Variants in SLC25A48 observed in about 807,000 individuals in gnomAD.
SLC25A48 encodes the protein CTC-321K16.1.
Under a neutral mutation model 32.2 loss-of-function variants are expected in SLC25A48, and 29 were observed. The ratio of observed to expected loss-of-function variants is 0.90; its 90% CI spans 0.67 to 1.23. The LOEUF (loss-of-function observed/expected upper bound fraction) is 1.23. Ranked by LOEUF, SLC25A48 falls within the 50% of genes most tolerant of loss-of-function variation. The pLI, the probability that SLC25A48 is intolerant of heterozygous loss-of-function variation, is 0.00. For synonymous variants in SLC25A48, 164 were observed against 172.3 expected (o/e 0.95, Z 0.38); for missense variants, 399 against 422.7 (o/e 0.94, Z 0.49).
chr5:135,733,134 G>C (rs1377867540), intron 3 of SLC25A48, among the ~76,000 whole-genome samples: 1 of 152,166 alleles, frequency 6.6e-6, no homozygotes, highest in African/African-American at 2.4e-5. Context: ...GCGAGGGCTC[G>C]AGTTAAGGCA....
intron 3 of SLC25A48, among the ~76,000 whole-genome samples, chr5:135,705,802 T>G (rs1249688301): frequency 6.6e-6 from 1 of 152,168 alleles, no homozygotes; most frequent in Admixed American, 6.5e-5. Flanking sequence ...TCCCAGGAGA[T>G]GGAACTAAGC....
intron 3 of SLC25A48, among the ~76,000 whole-genome samples, chr5:135,736,775 G>T (rs1386607122): frequency 1.3e-5 from 2 of 152,168 alleles, no homozygotes; most frequent in Non-Finnish European, 2.9e-5. Flanking sequence ...ACCGGTGCCG[G>T]AGTTTTGGGT....
intron 3 of SLC25A48, among the ~76,000 whole-genome samples, chr5:135,772,374 A>T (rs1756435377): frequency 6.6e-6 from 1 of 151,674 alleles, no homozygotes; most frequent in African/African-American, 2.4e-5. Flanking sequence ...CAGGGTGTGT[A>T]CACTCCCCTA....
In SLC25A48 at chr5:135,852,769, C is replaced by T. The variant is rs755412853; in HGVS notation, c.369C>T (p.Pro123=). The change falls in exon 4 of 8, where the codon CCC becomes CCT. Residue 123 remains proline (P), a synonymous_variant. Coordinates refer to ENST00000681962, the MANE Select transcript of SLC25A48 (RefSeq NM_001349336.2). The stretch of plus-strand genomic sequence containing the variant: ...TGGTCTCTGTCGGGCTGGGAGGGCC[C>T]GTGGACCTCATCAAGATCCGGTTGC... ...AGVVSVGLGG[P]VDLIKIRLQM... 2.8e-5 allele frequency: 45 copies of T among 1,613,662 alleles called. No homozygotes were observed. In the Admixed American group the frequency reaches 3.2e-4, roughly 11 times the overall value.
intron 3 of SLC25A48, among the ~76,000 whole-genome samples, chr5:135,735,827 G>T (rs1755348045): frequency 6.6e-6 from 1 of 152,068 alleles, no homozygotes; most frequent in South Asian, 2.1e-4. Flanking sequence ...TATTCAGTAG[G>T]GTCTGAGTGC....
chr5:135,767,960 G>T (rs13173808), intron 3 of SLC25A48, among the ~76,000 whole-genome samples: 34,363 of 145,890 alleles, frequency 0.24, 4,838 homozygotes, highest in East Asian at 0.44. Context: ...AATATCCGGG[G>T]GGGGGAGAGG....
intron 3 of SLC25A48, among the ~76,000 whole-genome samples, chr5:135,687,868 G>A (rs1224429871): frequency 6.6e-6 from 1 of 151,986 alleles, no homozygotes; most frequent in Non-Finnish European, 1.5e-5. Context: ...TTACTTTTCT[G>A]GGGTCTTTTT....
upstream of SLC25A48, among the ~76,000 whole-genome samples, chr5:135,834,450 T>A (rs776006572): frequency 6.6e-6 from 1 of 152,258 alleles, no homozygotes; most frequent in Non-Finnish European, 1.5e-5. Context: ...TTGCCGTCTC[T>A]GGATGGGCGG....
intron 2 of SLC25A48, 95 bp from the exon 3 acceptor site, chr5:135,850,330 T>C: frequency 2.4e-6 from 3 of 1,253,744 alleles, no homozygotes; most frequent in Non-Finnish European, 2.3e-6. Context: ...CTGGCGGGGG[T>C]CACTATGAGC....
intron 3 of SLC25A48, among the ~76,000 whole-genome samples, chr5:135,643,086 A>T (rs937153353): frequency 6.6e-6 from 1 of 152,122 alleles, no homozygotes; most frequent in Non-Finnish European, 1.5e-5. Flanking sequence ...CGCTGAATAG[A>T]CTCAGCCCCC....
In SLC25A48 at chr5:135,630,634, C is replaced by T. The variant is rs535066386; in HGVS notation, c.-709+1258C>T. Among the ~76,000 whole-genome samples the T allele has an allele frequency of 2.8e-5, 3 of 107,514 alleles. No homozygotes were observed. The South Asian group carries it at 1.0e-3, about 37-fold the overall frequency. The allele number at this position is 107,514 out of a possible 152,430, so 70.5% of individuals were successfully genotyped here. On this transcript the variant is annotated intron_variant, in intron 2 of 10. Transcript: ENST00000646290. The stretch of plus-strand genomic sequence containing the variant: ...TTTTTTTTTTTTTGAGAGAGTCATG[C>T]TCTGTCTCCCAGGCTGGAGTGCAGT...
intron 3 of SLC25A48, among the ~76,000 whole-genome samples, chr5:135,657,070 G>C (rs1276822906): frequency 6.6e-6 from 1 of 152,082 alleles, no homozygotes; most frequent in Non-Finnish European, 1.5e-5. Context: ...CTCCTCAATG[G>C]GCATCTGAAT....
At chr5:135,748,217 G>A (rs1755688223) in intron 3 of SLC25A48, among the ~76,000 whole-genome samples, 1 of 152,146 alleles carries the variant, frequency 6.6e-6, no homozygotes, top group African/African-American at 2.4e-5. Context: ...AGCAGAACTG[G>A]GTTTTTAACA....
At chr5:135,791,174 T>A (rs1381824220) in intron 3 of SLC25A48, among the ~76,000 whole-genome samples, 1 of 151,580 alleles carries the variant, frequency 6.6e-6, no homozygotes, top group Non-Finnish European at 1.5e-5. Context: ...AATATCACAC[T>A]GAGGGTACAC....
At chr5:135,584,392 A>C (rs1316628330) in intron 1 of SLC25A48, among the ~76,000 whole-genome samples, 1 of 152,264 alleles carries the variant, frequency 6.6e-6, no homozygotes, top group Non-Finnish European at 1.5e-5. Flanking sequence ...AAGAACATGC[A>C]TCCTCTTTGG....
chr5:135,806,860 G>T (rs1757474747), intron 3 of SLC25A48, among the ~76,000 whole-genome samples: 1 of 149,422 alleles, frequency 6.7e-6, no homozygotes. Context: ...TAAAATCATG[G>T]ATATTTCAAT....
chr5:135,832,939 C>G (rs931174825), upstream of SLC25A48, among the ~76,000 whole-genome samples: 2 of 152,154 alleles, frequency 1.3e-5, no homozygotes, highest in African/African-American at 4.8e-5. Flanking sequence ...TGCCCTCTCC[C>G]GAGTGTAGAA....
At chr5:135,776,549 C>G (rs984314521) in intron 3 of SLC25A48, among the ~76,000 whole-genome samples, 1 of 151,328 alleles carries the variant, frequency 6.6e-6, no homozygotes, top group African/African-American at 2.4e-5. Flanking sequence ...GGTATGTACA[C>G]CCCTTCTGTG....
At chr5:135,873,659 C>T (rs1232615343) in intron 5 of SLC25A48, among the ~76,000 whole-genome samples, 2 of 152,176 alleles carry the variant, frequency 1.3e-5, no homozygotes, top group Non-Finnish European at 2.9e-5. Context: ...GCCTGTTACT[C>T]TTTCTCCAAT....
Sources: allele counts gnomAD v4.1 joint callset (sites outside exome capture counted in the v4.1 genomes callset), GRCh38; gene constraint gnomAD v4.1.1; transcripts MANE v1.5; gene names NCBI Gene and HGNC (gene_info 2026-07-23, HGNC 2026-07-21).